Variants in ARL15 observed in about 807,000 individuals in gnomAD.
ARL15 encodes the protein ARF like GTPase 15.
ARL15 carries 19 observed loss-of-function variants against 25.2 expected under a neutral mutation model. The ratio of observed to expected loss-of-function variants is 0.75; its 90% CI spans 0.53 to 1.10. The LOEUF (loss-of-function observed/expected upper bound fraction) is 1.10. ARL15 is among the 50% of genes least tolerant of loss of function. The pLI is 0.00. For missense variants in ARL15, 220 were observed against 246.0 expected (o/e 0.89, Z 0.71); for synonymous variants, 94 against 86.8 (o/e 1.08, Z -0.46).
At chr5:53,890,375 C>T (rs1185089849) in intron 4 of ARL15, among the ~76,000 whole-genome samples, 1 of 151,806 alleles carries the variant, frequency 6.6e-6, no homozygotes, top group Admixed American at 6.6e-5. Context: ...GATGGACATA[C>T]AATTTTTTAA....
At chr5:54,236,375 G>C (rs192489523) in intron 1 of ARL15, among the ~76,000 whole-genome samples, 192 of 150,858 alleles carry the variant, frequency 1.3e-3, no homozygotes, top group African/African-American at 4.5e-3. Flanking sequence ...ATCTCAACTG[G>C]AAGTGGCCGA....
At chr5:54,168,192 G>T (rs1449099387) in intron 2 of ARL15, among the ~76,000 whole-genome samples, 2 of 151,994 alleles carry the variant, frequency 1.3e-5, no homozygotes, top group African/African-American at 4.8e-5. Context: ...AAATATAATT[G>T]GTGCTTAGCA....
intron 1 of ARL15, among the ~76,000 whole-genome samples, chr5:54,294,975 C>A (rs1299890308): frequency 6.6e-6 from 1 of 152,212 alleles, no homozygotes. Context: ...TTCTTCATCT[C>A]CTTCATGGTT....
intron 4 of ARL15, among the ~76,000 whole-genome samples, chr5:53,902,492 CCT>C (rs1051226159): frequency 6.6e-6 from 1 of 152,114 alleles, no homozygotes; most frequent in Admixed American, 6.6e-5. Flanking sequence ...ATATATGTCC[CCT>C]GTCTCAATCT....
chr5:54,146,459 A>G (rs1009996536), intron 3 of ARL15, among the ~76,000 whole-genome samples: 2 of 152,232 alleles, frequency 1.3e-5, no homozygotes, highest in African/African-American at 4.8e-5. Context: ...CGCCCTGCCC[A>G]ATATCCCATG....
intron 4 of ARL15, among the ~76,000 whole-genome samples, chr5:53,964,639 C>T (rs186093408): frequency 8.5e-5 from 13 of 152,312 alleles, no homozygotes; most frequent in Non-Finnish European, 1.5e-4. Context: ...GGATTACAGG[C>T]GTGAGCCACC....
intron 4 of ARL15, among the ~76,000 whole-genome samples, chr5:53,906,826 T>C (rs973156299): frequency 2.0e-5 from 3 of 152,184 alleles, no homozygotes; most frequent in Admixed American, 2.0e-4. Context: ...GCACAAAGCA[T>C]AAAAAGCTCT....
chr5:53,931,926 G>C (rs1321576396), intron 4 of ARL15, among the ~76,000 whole-genome samples: 1 of 152,194 alleles, frequency 6.6e-6, no homozygotes, highest in Non-Finnish European at 1.5e-5. Flanking sequence ...TGCCCATCCG[G>C]CACAGTAATT....
chr5:54,015,246 C>T (rs901157218), intron 4 of ARL15, among the ~76,000 whole-genome samples: 3 of 150,712 alleles, frequency 2.0e-5, no homozygotes, highest in Admixed American at 2.0e-4. Context: ...GAGCCAAGAT[C>T]GCACCACTGC....
At chr5:54,156,701 A>G (rs1050600162) in intron 2 of ARL15, among the ~76,000 whole-genome samples, 5 of 152,218 alleles carry the variant, frequency 3.3e-5, no homozygotes, top group Non-Finnish European at 7.4e-5. Flanking sequence ...CCCTCTAACA[A>G]TCTTCTAAAA....
intron 3 of ARL15, among the ~76,000 whole-genome samples, chr5:54,115,530 A>T (rs760867743): frequency 1.3e-5 from 2 of 152,174 alleles, no homozygotes; most frequent in African/African-American, 4.8e-5. Flanking sequence ...TCCAGGTACT[A>T]AGTGTTTTAA....
At chr5:54,089,308 A>G (rs1046971614) in intron 4 of ARL15, among the ~76,000 whole-genome samples, 3 of 152,194 alleles carry the variant, frequency 2.0e-5, no homozygotes, top group African/African-American at 7.2e-5. Flanking sequence ...AAGGGTAAAG[A>G]GTTTCAGACA....
chr5:54,270,213 T>C, intron 1 of ARL15, among the ~76,000 whole-genome samples: 1 of 152,136 alleles, frequency 6.6e-6, no homozygotes, highest in Admixed American at 6.6e-5. Flanking sequence ...GAACTGAAAA[T>C]GGTTTGTTAT....
intron 4 of ARL15, among the ~76,000 whole-genome samples, chr5:54,027,592 A>G (rs1195005420): frequency 1.3e-5 from 2 of 152,194 alleles, no homozygotes; most frequent in Non-Finnish European, 2.9e-5. Flanking sequence ...CCAACCTCAC[A>G]ATCATGGCCC....
chr5:54,049,945 G>A (rs1750655713), intron 4 of ARL15, among the ~76,000 whole-genome samples: 1 of 152,106 alleles, frequency 6.6e-6, no homozygotes, highest in African/African-American at 2.4e-5. Flanking sequence ...GGGCAGACAA[G>A]TTTAAGCCAC....
chr5:54,052,816 T>C (rs1460756984), intron 4 of ARL15, among the ~76,000 whole-genome samples: 1 of 152,102 alleles, frequency 6.6e-6, no homozygotes, highest in East Asian at 1.9e-4. Flanking sequence ...AATACCCCAG[T>C]GGCACACAGG....
In ARL15 at chr5:53,925,486, T is replaced by C. The variant is rs552883304; in HGVS notation, c.463-38773A>G. 2.0e-3 allele frequency among the ~76,000 whole-genome samples: 309 copies of C among 152,308 alleles called. 1 individual carries two copies. The highest frequency in any genetic ancestry group is 7.2e-3 in the African/African-American group (300 of 41,588). ...TGCTGGGATTATAGGCGTGAACCAC[T>C]GTGCCTGGCCTTTCATACATTAAGT... On this transcript the variant is annotated intron_variant, in intron 4 of 4. Coordinates refer to ENST00000504924, the MANE Select transcript of ARL15 (RefSeq NM_019087.3).
intron 3 of ARL15, among the ~76,000 whole-genome samples, chr5:54,142,293 G>C (rs1342125210): frequency 1.3e-5 from 2 of 152,144 alleles, no homozygotes; most frequent in African/African-American, 4.8e-5. Context: ...ACAGGAGATG[G>C]AAATTTAAAG....
intron 4 of ARL15, among the ~76,000 whole-genome samples, chr5:54,088,920 G>T (rs1752054726): frequency 6.6e-6 from 1 of 152,142 alleles, no homozygotes; most frequent in African/African-American, 2.4e-5. Context: ...CAAAATATTG[G>T]CTGGGAACAA....
Sources: gnomAD v4.1 joint callset for allele counts (sites outside exome capture counted in the v4.1 genomes callset) on GRCh38, gnomAD v4.1.1 for gene constraint, MANE v1.5 for transcripts, NCBI Gene and HGNC (gene_info 2026-07-23, HGNC 2026-07-21) for gene names.